The following PLD5 variants were observed in gnomAD, a reference collection of about 807,000 sequenced individuals.
The protein encoded by PLD5 is inactive phospholipase D5.
Under a neutral mutation model 61.1 loss-of-function variants are expected in PLD5, and 36 were observed. That is an observed-to-expected ratio of 0.59 (90% CI 0.45 to 0.78). The LOEUF (loss-of-function observed/expected upper bound fraction) is 0.78. PLD5 is among the 30% of genes least tolerant of loss of function. The pLI, the probability that PLD5 is intolerant of heterozygous loss-of-function variation, is 0.00. For synonymous variants in PLD5, 243 were observed against 242.8 expected (o/e 1.00, Z -0.01); for missense variants, 515 against 644.4 (o/e 0.80, Z 2.17).
chr1:242,377,350 T>A, intron 1 of PLD5: 1 of 1,594,676 alleles, frequency 6.3e-7, no homozygotes, highest in East Asian at 2.2e-5. Flanking sequence ...AGTGGTTGAG[T>A]GATTGCTCCT....
intron 9 of PLD5, among the ~76,000 whole-genome samples, chr1:242,098,341 T>A (rs956744098): frequency 6.6e-6 from 1 of 152,252 alleles, no homozygotes; most frequent in Non-Finnish European, 1.5e-5. Context: ...CTTCTTCCAG[T>A]TGATCGAATC....
chr1:242,212,410 G>C (rs1350006475), intron 5 of PLD5, among the ~76,000 whole-genome samples: 1 of 152,214 alleles, frequency 6.6e-6, no homozygotes, highest in Admixed American at 6.5e-5. Context: ...AGAGCTGCGC[G>C]ACCATGCGAG....
intron 1 of PLD5, among the ~76,000 whole-genome samples, chr1:242,423,713 T>C (rs887561941): frequency 1.3e-5 from 2 of 152,104 alleles, no homozygotes; most frequent in African/African-American, 4.8e-5. Flanking sequence ...TGTATGGGAA[T>C]CCCCTTATCA....
chr1:242,506,380 G>A lies in PLD5; in HGVS notation c.189+17708C>T, dbSNP rs1485621675. Among the ~76,000 whole-genome samples, 8 of 152,138 alleles carry A rather than the reference G, an allele frequency of 5.3e-5. No homozygotes were observed. The East Asian group carries it at 1.3e-3, about 26-fold the overall frequency. ...ATCCACGTTTGCTATTTAGTTCAAG[G>A]AAGAAGATGAACTTCCCAGACAGAG... On this transcript the variant is annotated intron_variant, in intron 1 of 9. Transcript: ENST00000536534.
At chr1:242,310,912 T>A (rs537154201) in intron 2 of PLD5, among the ~76,000 whole-genome samples, 289 of 152,248 alleles carry the variant, frequency 1.9e-3, no homozygotes, top group African/African-American at 6.4e-3. Context: ...ATCCCAGTAA[T>A]CTTTATTTAC....
intron 8 of PLD5, among the ~76,000 whole-genome samples, chr1:242,101,155 A>AT (rs1169481591): frequency 2.6e-5 from 4 of 152,352 alleles, no homozygotes; most frequent in Admixed American, 6.5e-5. Context: ...AATGAACCGA[A>AT]TGAGTATTCT....
At position 242,296,719 on chromosome 1, in the gene PLD5, T is replaced by G. The variant is rs6665798; in HGVS notation, c.327-8189A>C. ...GGCTAACAGTATGCTGATTATTTTTTTTTTAGAGATGGGGTCTTGCTATGT... is the reference window on the plus strand; with the variant it reads ...GGCTAACAGTATGCTGATTATTTTTGTTTTAGAGATGGGGTCTTGCTATGT... On this transcript the variant is annotated intron_variant, in intron 2 of 9. Coordinates refer to ENST00000536534, the MANE Select transcript of PLD5 (RefSeq NM_001372062.1). Among the ~76,000 whole-genome samples, 970 of 152,310 alleles carry G rather than the reference T, an allele frequency of 6.4e-3. 10 individuals carry two copies. Among genetic ancestry groups the G allele is most frequent in the African/African-American group, 0.022 (913 of 41,554 alleles).
At chr1:242,258,430 T>C (rs1315886136) in intron 4 of PLD5, among the ~76,000 whole-genome samples, 2 of 152,222 alleles carry the variant, frequency 1.3e-5, no homozygotes, top group African/African-American at 2.4e-5. Context: ...AGTTTCTAAG[T>C]TGAATTTTCT....
intron 5 of PLD5, among the ~76,000 whole-genome samples, chr1:242,151,557 A>T (rs1558276354): frequency 6.6e-6 from 1 of 151,916 alleles, no homozygotes. Flanking sequence ...TATGTAATAT[A>T]TTTTTTCAGT....
At chr1:242,270,766 G>A (rs1674015566) in intron 3 of PLD5, among the ~76,000 whole-genome samples, 1 of 152,172 alleles carries the variant, frequency 6.6e-6, no homozygotes, top group Non-Finnish European at 1.5e-5. Context: ...CTAAACCCAA[G>A]GCTGGGTATA....
intron 2 of PLD5, among the ~76,000 whole-genome samples, chr1:242,331,819 TC>T (rs1423212692): frequency 1.3e-5 from 2 of 152,172 alleles, no homozygotes; most frequent in Admixed American, 1.3e-4. Flanking sequence ...ACTTCTAGAA[TC>T]CTAGAGTGCC....
intron 2 of PLD5, among the ~76,000 whole-genome samples, chr1:242,297,583 T>C (rs566271603): frequency 6.6e-6 from 1 of 151,482 alleles, no homozygotes; most frequent in South Asian, 2.1e-4. Context: ...CCATCACTTT[T>C]ATATTAAAAA....
At chr1:242,192,479 T>G (rs1668346504) in intron 5 of PLD5, among the ~76,000 whole-genome samples, 1 of 152,096 alleles carries the variant, frequency 6.6e-6, no homozygotes, top group African/African-American at 2.4e-5. Flanking sequence ...TTCATTGCAC[T>G]TCCAATAAAA....
At chr1:242,123,256 T>A (rs368089904) in intron 6 of PLD5, among the ~76,000 whole-genome samples, 12 of 152,208 alleles carry the variant, frequency 7.9e-5, no homozygotes, top group Non-Finnish European at 4.4e-5. Flanking sequence ...TGCTATGGCT[T>A]ATTTCTGGTC....
intron 3 of PLD5, among the ~76,000 whole-genome samples, chr1:242,269,140 A>G (rs1000120804): frequency 1.3e-5 from 2 of 151,932 alleles, no homozygotes; most frequent in African/African-American, 4.8e-5. Context: ...ACTGTGCCCG[A>G]CCTCACTCAT....
intron 4 of PLD5, among the ~76,000 whole-genome samples, chr1:242,236,100 G>A (rs926307558): frequency 6.6e-6 from 1 of 152,116 alleles, no homozygotes; most frequent in African/African-American, 2.4e-5. Context: ...AGGCCCCAGA[G>A]AGACCCCCAA....
At chr1:242,427,483 A>C (rs1665495135) in intron 1 of PLD5, among the ~76,000 whole-genome samples, 1 of 152,184 alleles carries the variant, frequency 6.6e-6, no homozygotes, top group South Asian at 2.1e-4. Context: ...ATTCAATTTA[A>C]TATCATGTTA....
At chr1:242,201,132 G>A (rs141120311) in intron 5 of PLD5, among the ~76,000 whole-genome samples, 8 of 152,260 alleles carry the variant, frequency 5.3e-5, no homozygotes, top group South Asian at 4.1e-4. Context: ...ATGTTAAAAC[G>A]GGGCAAGCAA....
In PLD5 at chr1:242,207,808, A is replaced by T. The variant is rs7523002; in HGVS notation, c.735+12180T>A. ...TTTATATTTATATATATTTATATAT[A>T]TTTATATTTATATATTTATATATAT... is the stretch of plus-strand genomic sequence containing the variant. On this transcript the variant is annotated intron_variant, in intron 5 of 9. Coordinates refer to ENST00000536534, the MANE Select transcript of PLD5 (RefSeq NM_001372062.1). 1.2e-3 allele frequency among the ~76,000 whole-genome samples: 79 copies of T among 64,390 alleles called. 4 individuals are homozygous for T. The highest frequency in any genetic ancestry group is 4.6e-3 in the African/African-American group (51 of 11,192). The allele number at this position is 64,390 out of a possible 152,430, so 42.2% of individuals were successfully genotyped here. A position where few individuals can be genotyped will look rare whatever the true frequency, so the allele number is the denominator to read the frequency against.
Sources: gnomAD v4.1 joint callset for allele counts (sites outside exome capture counted in the v4.1 genomes callset) on GRCh38, gnomAD v4.1.1 for gene constraint, MANE v1.5 for transcripts, NCBI Gene and HGNC (gene_info 2026-07-23, HGNC 2026-07-21) for gene names.